The following WDR7 variants were observed in gnomAD, a reference collection of about 807,000 sequenced individuals.
The protein encoded by WDR7 is WD repeat domain 7.
WDR7 carries 46 observed loss-of-function variants against 169.4 expected under a neutral mutation model. The observed-to-expected ratio is 0.27, with a 90% CI of 0.21 to 0.35. The LOEUF is 0.35. WDR7 is among the 10% of genes least tolerant of loss of function. The pLI is 1.00. For missense variants in WDR7, 1,534 were observed against 1,859.3 expected, an observed-to-expected ratio of 0.83 and a Z score of 3.22; for synonymous variants, 612 against 666.8, an observed-to-expected ratio of 0.92 and a Z score of 1.27.
intron 19 of WDR7, among the ~76,000 whole-genome samples, chr18:56,814,269 G>A (rs2044926062): frequency 6.7e-6 from 1 of 150,088 alleles, no homozygotes. Context: ...TACTAATGCT[G>A]ATTGTTACTA....
intron 21 of WDR7, among the ~76,000 whole-genome samples, chr18:56,897,990 T>C (rs2046352367): frequency 1.3e-5 from 2 of 152,006 alleles, no homozygotes; most frequent in South Asian, 4.2e-4. Context: ...TCCATACCTA[T>C]AGCAAAGATG....
chr18:56,799,674 T>C (rs2044641146), intron 19 of WDR7, among the ~76,000 whole-genome samples: 1 of 152,198 alleles, frequency 6.6e-6, no homozygotes, highest in South Asian at 2.1e-4. Flanking sequence ...ATTATATGTG[T>C]GCTAGCCTGA....
chr18:56,969,417 C>A (rs2047453398), intron 26 of WDR7, among the ~76,000 whole-genome samples: 1 of 152,200 alleles, frequency 6.6e-6, no homozygotes, highest in South Asian at 2.1e-4. Context: ...CATTCAATAA[C>A]CCCATTCGCT....
chr18:56,855,474 A>G (rs2045706596), intron 20 of WDR7, among the ~76,000 whole-genome samples: 1 of 152,166 alleles, frequency 6.6e-6, no homozygotes, highest in African/African-American at 2.4e-5. Context: ...TTATGCCATC[A>G]TATTTATTTT....
chr18:56,900,094 A>G (rs1444392906), intron 21 of WDR7, among the ~76,000 whole-genome samples: 1 of 147,532 alleles, frequency 6.8e-6, no homozygotes, highest in East Asian at 2.0e-4. Context: ...ATATATATAT[A>G]TATATATATA....
At chr18:56,926,504 G>C (rs2145653397) in intron 22 of WDR7, among the ~76,000 whole-genome samples, 1 of 152,268 alleles carries the variant, frequency 6.6e-6, no homozygotes, top group East Asian at 1.9e-4. Context: ...TTCAGGGTTA[G>C]TATTTAATAT....
intron 21 of WDR7, among the ~76,000 whole-genome samples, chr18:56,908,972 GTAAC>G (rs1355173996): frequency 1.3e-5 from 2 of 152,154 alleles, no homozygotes; most frequent in African/African-American, 4.8e-5. Flanking sequence ...ATTGAAGAAA[GTAAC>G]TAAGGAACCG....
At chr18:56,841,582 T>C (rs2045487598) in intron 20 of WDR7, among the ~76,000 whole-genome samples, 1 of 151,872 alleles carries the variant, frequency 6.6e-6, no homozygotes, top group Non-Finnish European at 1.5e-5. Context: ...GGGGATGTTT[T>C]GTCATGTACG....
downstream of WDR7, chr18:57,033,446 G>A (rs1599262540): frequency 6.6e-6 from 1 of 152,174 alleles, no homozygotes; most frequent in Non-Finnish European, 1.5e-5. Flanking sequence ...TCTTCACTTT[G>A]CAGCCATTAT....
intron 12 of WDR7, among the ~76,000 whole-genome samples, chr18:56,707,071 TC>T (rs2025974695): frequency 6.6e-6 from 1 of 151,830 alleles, no homozygotes. Flanking sequence ...AACCTCCATC[TC>T]CTGGTTCAAG....
intron 19 of WDR7, among the ~76,000 whole-genome samples, chr18:56,815,630 C>A (rs774291224): frequency 1.3e-5 from 2 of 152,182 alleles, no homozygotes; most frequent in Non-Finnish European, 2.9e-5. Context: ...CCTCCCAACT[C>A]CCAAGTTATA....
chr18:56,931,003 G>A (rs532284316), intron 22 of WDR7, among the ~76,000 whole-genome samples: 5 of 152,154 alleles, frequency 3.3e-5, no homozygotes, highest in Non-Finnish European at 5.9e-5. Context: ...TGAAGGGGGA[G>A]CTCAGGCTGC....
At chr18:56,665,753 A>T (rs1185766401) in intron 1 of WDR7, among the ~76,000 whole-genome samples, 1 of 152,218 alleles carries the variant, frequency 6.6e-6, no homozygotes, top group African/African-American at 2.4e-5. Flanking sequence ...TTCGATACTT[A>T]CTTTCACAGT....
At chr18:56,939,471 A>G (rs1303389030) in intron 25 of WDR7, 78 bp downstream of exon 25, 9 of 981,246 alleles carry the variant, frequency 9.2e-6, no homozygotes, top group Non-Finnish European at 1.2e-5. Flanking sequence ...GCATGGTGTT[A>G]GTAGTCTTGG....
At chr18:56,757,744 GGA>G (rs749044393) in intron 15 of WDR7, among the ~76,000 whole-genome samples, 2 of 152,138 alleles carry the variant, frequency 1.3e-5, no homozygotes, top group Non-Finnish European at 2.9e-5. Context: ...GGCTGAGGCA[GGA>G]GGATCACTTG....
chr18:56,874,305 G>A (rs1235160227), intron 20 of WDR7, among the ~76,000 whole-genome samples: 2 of 152,074 alleles, frequency 1.3e-5, no homozygotes, highest in Middle Eastern at 3.4e-3. Context: ...ACGCATTTAG[G>A]TGGTTTTTTT....
intron 25 of WDR7, among the ~76,000 whole-genome samples, chr18:56,955,411 T>C (rs2047237209): frequency 6.6e-6 from 1 of 152,174 alleles, no homozygotes; most frequent in Admixed American, 6.6e-5. Context: ...AGAAAAGTGT[T>C]TCAGACCAAA....
intron 20 of WDR7, among the ~76,000 whole-genome samples, chr18:56,854,940 C>T (rs1444407993): frequency 6.6e-6 from 1 of 152,040 alleles, no homozygotes. Flanking sequence ...GAGTTATGAG[C>T]CAGGAACTAT....
intron 26 of WDR7, among the ~76,000 whole-genome samples, chr18:57,012,798 A>G (rs1426879638): frequency 6.6e-6 from 1 of 152,234 alleles, no homozygotes; most frequent in Non-Finnish European, 1.5e-5. Flanking sequence ...GTGAGGCAGC[A>G]GACTCTGGCC....
Sources: gnomAD v4.1 joint callset for allele counts (sites outside exome capture counted in the v4.1 genomes callset) on GRCh38, gnomAD v4.1.1 for gene constraint, MANE v1.5 for transcripts, NCBI Gene and HGNC (gene_info 2026-07-23, HGNC 2026-07-21) for gene names.